Variants in TMEM74 observed in about 807,000 individuals in gnomAD.
The protein encoded by TMEM74 is transmembrane protein 74.
TMEM74 carries 13 observed loss-of-function variants against 18.1 expected under a neutral mutation model. The ratio of observed to expected loss-of-function variants is 0.72; its 90% CI spans 0.47 to 1.14. The LOEUF (loss-of-function observed/expected upper bound fraction) is 1.14, where lower values mean the gene tolerates loss of function less well. Ranked by LOEUF, TMEM74 falls within the 50% of genes most tolerant of loss-of-function variation. The pLI, the probability that TMEM74 is intolerant of heterozygous loss-of-function variation, is 0.00. For missense variants in TMEM74, 372 were observed against 375.9 expected, an observed-to-expected ratio of 0.99 and a Z score of 0.09; for synonymous variants, 159 against 146.6, an observed-to-expected ratio of 1.08 and a Z score of -0.61.
chr8:108,784,419 T>C lies in TMEM74; in HGVS notation c.680A>G (p.His227Arg). 1 of 1,614,114 alleles carries C rather than the reference T, an allele frequency of 6.2e-7. No individual in the cohort carries two copies. Among genetic ancestry groups the C allele is most frequent in the Non-Finnish European group, 8.5e-7 (1 of 1,180,022 alleles). The change falls in exon 2 of 2, where the codon CAC becomes CGC. Residue 227 changes from histidine to arginine, a missense_variant. Coordinates refer to ENST00000297459, the MANE Select transcript of TMEM74 (RefSeq NM_153015.3). ...CCCCGCAATCACACAGCGGTCCAGGTGAGCCCCCAGCCTCGCACTCTCCTT... is the reference window on the plus strand; with the variant it reads ...CCCCGCAATCACACAGCGGTCCAGGCGAGCCCCCAGCCTCGCACTCTCCTT... The part of the protein sequence containing the change: ...LEKESARLGA[H>R]LDRCVIAGLC...
chr8:108,663,771 A>G (rs1290510998), intron 1 of TMEM74, among the ~76,000 whole-genome samples: 3 of 152,216 alleles, frequency 2.0e-5, no homozygotes, highest in African/African-American at 4.8e-5. Flanking sequence ...ATGGAATACT[A>G]TGCAGCCATA....
exon 4 of TMEM74, chr8:108,606,978 A>G (rs1812280003): frequency 2.6e-5 from 4 of 152,242 alleles, no homozygotes. Context: ...GATATACTCC[A>G]AGATGACTTT....
intron 1 of TMEM74, among the ~76,000 whole-genome samples, chr8:108,703,074 C>A (rs1329537057): frequency 1.3e-5 from 2 of 152,004 alleles, no homozygotes; most frequent in East Asian, 3.9e-4. Flanking sequence ...AGGAATAATC[C>A]CTCTAGGCTT....
At chr8:108,659,949 G>C (rs571176150) in intron 1 of TMEM74, among the ~76,000 whole-genome samples, 4 of 152,116 alleles carry the variant, frequency 2.6e-5, no homozygotes, top group African/African-American at 9.7e-5. Flanking sequence ...TTGATGAGCC[G>C]TATGCTACCC....
At chr8:108,768,075 C>A (rs1814130501) in intron 1 of TMEM74, among the ~76,000 whole-genome samples, 1 of 152,174 alleles carries the variant, frequency 6.6e-6, no homozygotes, top group African/African-American at 2.4e-5. Context: ...ATAAATAAGC[C>A]CAGCCTTACT....
At chr8:108,718,442 G>A (rs13254651) in intron 1 of TMEM74, among the ~76,000 whole-genome samples, 51,180 of 152,018 alleles carry the variant, frequency 0.34, 9,222 homozygotes, top group East Asian at 0.5. Context: ...GTACATGAAT[G>A]AAAATGCCTG....
rs755181647 is a variant in TMEM74, at chr8:108,784,900, G to A, written c.199C>T (p.Pro67Ser). ...GSKLSSSPAS[P>S]SSSLQNSTLQ... ...GTACTGTTTTGCAGAGAGGAGGAGGGGGATGCTGGAGAAGAACTAAGTTTA... is the reference window on the plus strand; with the variant it reads ...GTACTGTTTTGCAGAGAGGAGGAGGAGGATGCTGGAGAAGAACTAAGTTTA... The change falls in exon 2 of 2, where the codon CCC becomes TCC. Residue 67 changes from proline (P) to serine (S), a missense_variant. Coordinates refer to ENST00000297459, the MANE Select transcript of TMEM74 (RefSeq NM_153015.3). 3 of 1,614,066 alleles carry A rather than the reference G, an allele frequency of 1.9e-6. No individual in the cohort carries two copies. Among genetic ancestry groups the A allele is most frequent in the Admixed American group, 1.7e-5 (1 of 60,006 alleles).
At chr8:108,684,185 C>A (rs1295261118) in intron 1 of TMEM74, among the ~76,000 whole-genome samples, 1 of 151,960 alleles carries the variant, frequency 6.6e-6, no homozygotes, top group Non-Finnish European at 1.5e-5. Context: ...TCATACTGGT[C>A]CTTATAGTGG....
chr8:108,634,317 T>C (rs535095827), intron 2 of TMEM74, among the ~76,000 whole-genome samples: 2 of 152,102 alleles, frequency 1.3e-5, no homozygotes, highest in East Asian at 1.9e-4. Context: ...AGAAAAATCA[T>C]GTTTTGGCAC....
intron 1 of TMEM74, among the ~76,000 whole-genome samples, chr8:108,699,492 A>T (rs1176889276): frequency 6.6e-6 from 1 of 152,060 alleles, no homozygotes; most frequent in Non-Finnish European, 1.5e-5. Context: ...AAACATTATC[A>T]GGAGTTAATC....
intron 1 of TMEM74, among the ~76,000 whole-genome samples, chr8:108,760,149 GGAGAGAGA>G (rs72281415): frequency 6.9e-6 from 1 of 143,930 alleles, no homozygotes; most frequent in South Asian, 2.2e-4. Flanking sequence ...CTGCAGACTG[GGAGAGAGA>G]GAGAGAGAGA....
At chr8:108,644,322 C>A (rs973008864) in intron 2 of TMEM74, among the ~76,000 whole-genome samples, 3 of 152,204 alleles carry the variant, frequency 2.0e-5, no homozygotes, top group East Asian at 1.9e-4. Context: ...GAAATAAGAC[C>A]TCTACTTTTT....
At chr8:108,672,628 T>A (rs1813014843) in intron 1 of TMEM74, among the ~76,000 whole-genome samples, 1 of 152,154 alleles carries the variant, frequency 6.6e-6, no homozygotes. Context: ...AGTTTGACAT[T>A]TGGGTCATTG....
chr8:108,771,410 A>G (rs943232036), intron 1 of TMEM74, among the ~76,000 whole-genome samples: 2 of 152,214 alleles, frequency 1.3e-5, no homozygotes, highest in Admixed American at 6.5e-5. Flanking sequence ...ATATTTAGAA[A>G]AAAGGAAAGA....
downstream of TMEM74, among the ~76,000 whole-genome samples, chr8:108,776,225 G>A (rs142267606): frequency 2.0e-5 from 3 of 152,354 alleles, no homozygotes; most frequent in African/African-American, 7.2e-5. Context: ...GGGCACCATG[G>A]CTCACACCTG....
At chr8:108,662,250 A>G (rs1304071372) in intron 1 of TMEM74, among the ~76,000 whole-genome samples, 1 of 152,076 alleles carries the variant, frequency 6.6e-6, no homozygotes, top group Non-Finnish European at 1.5e-5. Flanking sequence ...ACACATACAA[A>G]CACACACATA....
chr8:108,759,237 G>A (rs764372300), intron 1 of TMEM74, among the ~76,000 whole-genome samples: 10 of 151,984 alleles, frequency 6.6e-5, no homozygotes, highest in Non-Finnish European at 1.2e-4. Flanking sequence ...ACAATTATCT[G>A]TAACAGTTGT....
At chr8:108,776,187 G>T (rs1278814870), downstream of TMEM74, among the ~76,000 whole-genome samples, 2 of 152,170 alleles carry the variant, frequency 1.3e-5, no homozygotes, top group Non-Finnish European at 1.5e-5. Context: ...TATGGTAAAA[G>T]CTATTTTGTT....
At chr8:108,703,138 A>G in intron 1 of TMEM74, among the ~76,000 whole-genome samples, 1 of 152,068 alleles carries the variant, frequency 6.6e-6, no homozygotes, top group East Asian at 1.9e-4. Flanking sequence ...TAAAGTTCCT[A>G]TGTCCCTCCC....
Sources: gnomAD v4.1 joint callset for allele counts (sites outside exome capture counted in the v4.1 genomes callset) on GRCh38, gnomAD v4.1.1 for gene constraint, MANE v1.5 for transcripts, NCBI Gene and HGNC (gene_info 2026-07-23, HGNC 2026-07-21) for gene names.